Variants in SGCZ observed in about 807,000 individuals in gnomAD.
SGCZ encodes zeta-sarcoglycan.
In SGCZ, 40 loss-of-function variants were observed where a neutral mutation model predicts 41.3. That is an observed-to-expected ratio of 0.97 (90% CI 0.75 to 1.26). The LOEUF is 1.26. SGCZ is among the 50% of genes most tolerant of loss of function. The pLI, the probability that SGCZ is intolerant of heterozygous loss-of-function variation, is 0.00. For synonymous variants in SGCZ, 206 were observed against 137.5 expected (o/e 1.50, Z -3.49); for missense variants, 552 against 369.8 (o/e 1.49, Z -4.04).
At chr8:14,806,407 C>T (rs1224597693) in intron 1 of SGCZ, among the ~76,000 whole-genome samples, 206 of 150,476 alleles carry the variant, frequency 1.4e-3, no homozygotes, top group Non-Finnish European at 1.1e-3. Flanking sequence ...ATATCACCAC[C>T]GATCCCACAG....
intron 1 of SGCZ, among the ~76,000 whole-genome samples, chr8:15,118,420 G>A (rs1807351073): frequency 6.6e-6 from 1 of 152,150 alleles, no homozygotes; most frequent in Admixed American, 6.5e-5. Flanking sequence ...TGAAAATGCA[G>A]TGGGGACACT....
At chr8:14,751,952 A>C (rs1799512078) in intron 1 of SGCZ, among the ~76,000 whole-genome samples, 2 of 147,882 alleles carry the variant, frequency 1.4e-5, no homozygotes, top group African/African-American at 2.5e-5. Flanking sequence ...AAAACAAACA[A>C]AAAAAAAAAA....
At chr8:14,341,085 T>C (rs1385930704) in intron 2 of SGCZ, among the ~76,000 whole-genome samples, 1 of 152,232 alleles carries the variant, frequency 6.6e-6, no homozygotes. Context: ...GAGTCATCTA[T>C]GTTGTAGCAT....
intron 3 of SGCZ, among the ~76,000 whole-genome samples, chr8:14,268,411 C>G (rs13262285): frequency 0.26 from 39,583 of 150,588 alleles, 6,662 homozygotes; most frequent in Non-Finnish European, 0.38. Context: ...CCATTTTTGC[C>G]TCTGACTTTC....
intron 1 of SGCZ, among the ~76,000 whole-genome samples, chr8:14,838,950 C>T (rs1303478182): frequency 1.3e-5 from 2 of 152,090 alleles, no homozygotes; most frequent in Non-Finnish European, 2.9e-5. Flanking sequence ...GTGGACCAAG[C>T]ATGGCTATGT....
intron 5 of SGCZ, among the ~76,000 whole-genome samples, chr8:14,109,620 A>G (rs1802314545): frequency 6.6e-6 from 1 of 152,196 alleles, no homozygotes; most frequent in African/African-American, 2.4e-5. Context: ...ATCATGTAAA[A>G]TATATTAATT....
intron 1 of SGCZ, among the ~76,000 whole-genome samples, chr8:15,104,462 C>A (rs548550404): frequency 7.5e-4 from 114 of 152,244 alleles, no homozygotes; most frequent in African/African-American, 2.4e-3. Flanking sequence ...TTTAAAAAAA[C>A]TAAAGTAATA....
rs1804167357 is a variant in SGCZ, at chr8:14,165,067, G to A, written c.425-365C>T. 1.8e-5 allele frequency: 4 copies of A among 217,004 alleles called. No homozygotes were observed. The South Asian group carries it at 2.8e-4, about 15-fold the overall frequency. The allele number at this position is 217,004 out of a possible 1,614,324, so 13.4% of individuals were successfully genotyped here. Reference sequence around the variant, plus strand: ...TGCTGGATGCTTAATAAGTACTTGTGGACTGAGTGACTCTCATGCCTTACC... The same window carrying A: ...TGCTGGATGCTTAATAAGTACTTGTAGACTGAGTGACTCTCATGCCTTACC... On this transcript the variant is annotated intron_variant, in intron 4 of 7. Coordinates refer to ENST00000382080, the MANE Select transcript of SGCZ (RefSeq NM_139167.4).
chr8:14,364,703 T>C (rs868133510), intron 2 of SGCZ, among the ~76,000 whole-genome samples: 51 of 152,284 alleles, frequency 3.3e-4, no homozygotes, highest in Middle Eastern at 3.4e-3. Context: ...AAGTATTAGA[T>C]TTATTGTCAT....
intron 1 of SGCZ, among the ~76,000 whole-genome samples, chr8:15,033,493 G>C (rs532654959): frequency 2.0e-3 from 301 of 152,108 alleles, no homozygotes; most frequent in African/African-American, 7.0e-3. Context: ...TATCACCTTA[G>C]TACCTGTGTG....
At chr8:15,207,153 A>C (rs1405480197) in intron 1 of SGCZ, among the ~76,000 whole-genome samples, 2 of 152,202 alleles carry the variant, frequency 1.3e-5, no homozygotes, top group Non-Finnish European at 2.9e-5. Context: ...TTAACAGAGT[A>C]AGCGAGATTT....
intron 1 of SGCZ, among the ~76,000 whole-genome samples, chr8:14,803,640 T>C (rs372895456): frequency 7.7e-4 from 115 of 150,078 alleles, no homozygotes; most frequent in Middle Eastern, 3.5e-3. Context: ...AAGGTGGCAG[T>C]GAGGCTGGGG....
intron 1 of SGCZ, among the ~76,000 whole-genome samples, chr8:14,922,785 T>C (rs907238523): frequency 1.1e-4 from 17 of 152,164 alleles, no homozygotes; most frequent in African/African-American, 3.9e-4. Flanking sequence ...AATATATACA[T>C]ATTAGAGATG....
intron 2 of SGCZ, among the ~76,000 whole-genome samples, chr8:14,472,254 A>T (rs1801233120): frequency 6.6e-6 from 1 of 152,134 alleles, no homozygotes; most frequent in Admixed American, 6.6e-5. Context: ...ATCTTGTTTA[A>T]TATCTTTATT....
At chr8:14,773,724 T>C (rs1800316177) in intron 1 of SGCZ, among the ~76,000 whole-genome samples, 1 of 152,170 alleles carries the variant, frequency 6.6e-6, no homozygotes, top group African/African-American at 2.4e-5. Context: ...GCTGTCTGGC[T>C]GATATGGTGA....
At chr8:14,949,734 G>C (rs1013054790) in intron 1 of SGCZ, among the ~76,000 whole-genome samples, 3 of 152,010 alleles carry the variant, frequency 2.0e-5, no homozygotes, top group African/African-American at 4.8e-5. Flanking sequence ...TTAACAATAT[G>C]TGCTACTCTA....
intron 2 of SGCZ, among the ~76,000 whole-genome samples, chr8:14,366,937 A>G (rs1211521651): frequency 6.6e-6 from 1 of 152,114 alleles, no homozygotes; most frequent in Non-Finnish European, 1.5e-5. Flanking sequence ...ACGTCTTGGA[A>G]GTTAACATTT....
At chr8:14,687,938 A>G (rs986601843) in intron 1 of SGCZ, among the ~76,000 whole-genome samples, 4 of 152,140 alleles carry the variant, frequency 2.6e-5, no homozygotes, top group African/African-American at 7.2e-5. Flanking sequence ...CATTTCTCTG[A>G]TAGACTGTAA....
Position 14,202,746 on chromosome 8 carries a change from ATCT to A in SGCZ, c.424+34843_424+34845del, listed in dbSNP as rs376483409. On this transcript the variant is annotated intron_variant, in intron 4 of 7. Transcript: ENST00000382080. ...CTTTTTTGTGGGTGTTTACAAAGTC[ATCT>A]TCTTCCTTCCTAAACAGATCTCTCC... Among the ~76,000 whole-genome samples the A allele has an allele frequency of 2.3e-3, 348 of 152,286 alleles. 2 individuals carry two copies. The highest frequency in any genetic ancestry group is 8.0e-3 in the African/African-American group (331 of 41,580).
Sources: allele counts gnomAD v4.1 joint callset (sites outside exome capture counted in the v4.1 genomes callset), GRCh38; gene constraint gnomAD v4.1.1; transcripts MANE v1.5; gene names NCBI Gene and HGNC (gene_info 2026-07-23, HGNC 2026-07-21).